The following XPO6 variants were observed in gnomAD, a reference collection of about 807,000 sequenced individuals.
The protein encoded by XPO6 is exportin-6.
XPO6 carries 3 observed loss-of-function variants against 130.0 expected under a neutral mutation model. The ratio of observed to expected loss-of-function variants is 0.02; its 90% CI spans 0.01 to 0.06. The LOEUF (loss-of-function observed/expected upper bound fraction) is 0.06. Ranked by LOEUF, XPO6 falls within the 10% of genes least tolerant of loss-of-function variation. The pLI is 1.00. For missense variants in XPO6, 970 were observed against 1,393.0 expected (o/e 0.70, Z 4.83); for synonymous variants, 524 against 548.9 (o/e 0.95, Z 0.63).
chr16:28,210,298 CTGTA>C (rs200460097), intron 1 of XPO6, among the ~76,000 whole-genome samples: 304 of 152,284 alleles, frequency 2.0e-3, no homozygotes, highest in African/African-American at 7.1e-3. Flanking sequence ...GCCTTAAGGT[CTGTA>C]TCACAAAAGA....
intron 13 of XPO6, 51 bp from the exon 14 acceptor site, chr16:28,121,813 C>G (rs1021520847): frequency 4.1e-6 from 5 of 1,212,768 alleles, no homozygotes; most frequent in African/African-American, 1.5e-5. Flanking sequence ...TGAACTAAGA[C>G]AGACAAAACA....
chr16:28,210,181 G>T (rs2044103139), intron 1 of XPO6, among the ~76,000 whole-genome samples: 2 of 152,142 alleles, frequency 1.3e-5, no homozygotes, highest in South Asian at 4.2e-4. Context: ...ATACTGTACG[G>T]TGCTGCTCAG....
chr16:28,157,242 A>C (rs1230390200), intron 6 of XPO6, among the ~76,000 whole-genome samples: 2 of 152,154 alleles, frequency 1.3e-5, no homozygotes, highest in Non-Finnish European at 2.9e-5. Context: ...GGATTACCTG[A>C]GGTCAGTAGT....
intron 1 of XPO6, among the ~76,000 whole-genome samples, chr16:28,182,270 G>A (rs544243655): frequency 6.6e-6 from 1 of 152,248 alleles, no homozygotes; most frequent in East Asian, 1.9e-4. Flanking sequence ...GCCTCCGTCG[G>A]GTGATTGACT....
chr16:28,199,654 C>T (rs2043924607), intron 1 of XPO6, among the ~76,000 whole-genome samples: 1 of 151,958 alleles, frequency 6.6e-6, no homozygotes, highest in South Asian at 2.1e-4. Context: ...ACAACCTCCA[C>T]GTCCTGGGTT....
chr16:28,120,819 A>G (rs1288100076), intron 14 of XPO6, among the ~76,000 whole-genome samples: 1 of 152,220 alleles, frequency 6.6e-6, no homozygotes, highest in East Asian at 1.9e-4. Flanking sequence ...CCGAGTGTAT[A>G]TATTTTCAGA....
At chr16:28,130,816 A>T (rs970847908) in intron 12 of XPO6, among the ~76,000 whole-genome samples, 4 of 152,242 alleles carry the variant, frequency 2.6e-5, no homozygotes, top group Admixed American at 1.3e-4. Context: ...CCAGAAATAG[A>T]GTTTCAGATT....
In XPO6 at chr16:28,176,112, C is replaced by T. The variant is rs2043530235; in HGVS notation, c.208-17G>A. 6.2e-7 allele frequency: 1 copy of T among 1,613,346 alleles called. No homozygotes were observed. Among genetic ancestry groups the T allele is most frequent in the Non-Finnish European group, 8.5e-7 (1 of 1,179,488 alleles). ...GATCAGATTCTGAAAAACAAATATACATCTTTTAAGTTAACAACCTATACA... is the reference window on the plus strand; with the variant it reads ...GATCAGATTCTGAAAAACAAATATATATCTTTTAAGTTAACAACCTATACA... On this transcript the variant is annotated splice_polypyrimidine_tract_variant and intron_variant, in intron 3 of 23. Transcript: ENST00000304658.
At chr16:28,153,984 C>A (rs941066829) in intron 7 of XPO6, 38 of 985,078 alleles carry the variant, frequency 3.9e-5, no homozygotes, top group Non-Finnish European at 4.5e-5. Context: ...TTAAAAAATA[C>A]ATATTAATTT....
In XPO6 at chr16:28,101,787, G is replaced by A; in HGVS notation, c.3045+60C>T. Reference sequence around the variant, plus strand: ...ACACTCTCCAGTGAGTAACCTGAGGGTGGGACACAGGCCACAATGCCCCTG... The same window carrying A: ...ACACTCTCCAGTGAGTAACCTGAGGATGGGACACAGGCCACAATGCCCCTG... On this transcript the variant is annotated intron_variant, in intron 22 of 23. Coordinates refer to ENST00000304658, the MANE Select transcript of XPO6 (RefSeq NM_015171.4). This position sits in a 1 kb window ranked among gnomAD's most constrained non-coding sequence, Gnocchi z 5.4. 4 of 1,595,870 alleles carry A rather than the reference G, an allele frequency of 2.5e-6. No homozygotes were observed. The highest frequency in any genetic ancestry group is 2.6e-6 in the Non-Finnish European group (3 of 1,166,604).
At chr16:28,158,190 T>C (rs909592482) in intron 6 of XPO6, among the ~76,000 whole-genome samples, 17 of 152,190 alleles carry the variant, frequency 1.1e-4, no homozygotes, top group Non-Finnish European at 1.9e-4. Flanking sequence ...AAGAACATGT[T>C]ACCAAACAGA....
intron 21 of XPO6, among the ~76,000 whole-genome samples, chr16:28,103,796 C>T (rs569145755): frequency 5.9e-5 from 9 of 152,248 alleles, no homozygotes; most frequent in Admixed American, 5.2e-4. Flanking sequence ...TGTGTGCGCG[C>T]GCATGCGCAC....
At chr16:28,188,970 T>G (rs1596956329) in intron 1 of XPO6, among the ~76,000 whole-genome samples, 2 of 152,092 alleles carry the variant, frequency 1.3e-5, no homozygotes, top group African/African-American at 2.4e-5. Context: ...CTTTTCCTTT[T>G]GTTTTCTGGA....
At position 28,174,430 on chromosome 16, in the gene XPO6, GT is replaced by G. The variant is rs2043503172; in HGVS notation, c.405+1467del. Among the ~76,000 whole-genome samples the G allele has an allele frequency of 2.0e-5, 3 of 152,148 alleles. No individual in the cohort carries two copies. In the South Asian group the frequency reaches 6.2e-4, roughly 32 times the overall value. ...ACCTCCAAGTGTGTACCTGTTTATT[GT>G]TCGTTGATGCCCTCATCCCCGCCCT... On this transcript the variant is annotated intron_variant, in intron 4 of 23. Coordinates refer to ENST00000304658, the MANE Select transcript of XPO6 (RefSeq NM_015171.4).
intron 9 of XPO6, among the ~76,000 whole-genome samples, chr16:28,135,938 T>C (rs1254768860): frequency 6.6e-6 from 1 of 152,230 alleles, no homozygotes; most frequent in Non-Finnish European, 1.5e-5. Context: ...GCATTTTAAA[T>C]CCCTTGTCCT....
Position 28,098,406 on chromosome 16 carries a change from G to T in XPO6, c.*132C>A. 1 of 736,502 alleles carries T rather than the reference G, an allele frequency of 1.4e-6. No homozygotes were observed. Among genetic ancestry groups the T allele is most frequent in the Non-Finnish European group, 2.2e-6 (1 of 446,578 alleles). The allele number at this position is 736,502 out of a possible 1,614,324, so 45.6% of individuals were successfully genotyped here. ...GGCAAGATGTGGAGGAGCGGCAGAGGCAGGCAGCGTTGCTTGCGGTGGGAG... is the reference window on the plus strand; with the variant it reads ...GGCAAGATGTGGAGGAGCGGCAGAGTCAGGCAGCGTTGCTTGCGGTGGGAG... On this transcript the variant is annotated 3_prime_UTR_variant, in exon 24 of 24. Transcript: ENST00000304658.
At position 28,125,831 on chromosome 16, in the gene XPO6, T is replaced by C; in HGVS notation, c.1624A>G (p.Thr542Ala). 6.2e-7 allele frequency: 1 copy of C among 1,613,948 alleles called. No homozygotes were observed. The highest frequency in any genetic ancestry group is 8.5e-7 in the Non-Finnish European group (1 of 1,179,990). The change falls in exon 13 of 24, where the codon ACG (threonine) becomes GCG (alanine). Residue 542 changes from threonine (T) to alanine (A), a missense_variant. This residue lies in a region of XPO6 where 936 missense variants were observed against 1,306.8 expected (regional missense o/e 0.72). Transcript: ENST00000304658. ...AGCCGCCGGCAGTCGTTCTCCGCCG[T>C]GATGTTCAACCTGTGTCCTGGAACA... ...TSGSGHRLNI[T>A]AENDCRRLHC...
chr16:28,101,982 C>A lies in XPO6; in HGVS notation c.2947-37G>T. 1 of 1,566,572 alleles carries A rather than the reference C, an allele frequency of 6.4e-7. No homozygotes were observed. Among genetic ancestry groups the A allele is most frequent in the Non-Finnish European group, 8.8e-7 (1 of 1,139,526 alleles). ...GACCACCATTTTATAAACTGCAAGA[C>A]CAAGCACTTCTGGAGCATCTACCCC... On this transcript the variant is annotated intron_variant, in intron 21 of 23. Transcript: ENST00000304658. The surrounding 1 kb of genome is among the most constrained non-coding windows in gnomAD (Gnocchi z 5.4).
chr16:28,207,580 T>G (rs184399625), intron 1 of XPO6, among the ~76,000 whole-genome samples: 41 of 152,346 alleles, frequency 2.7e-4, no homozygotes, highest in African/African-American at 9.1e-4. Flanking sequence ...ACAGGGATAG[T>G]GTAAACAAAA....
Sources: allele counts gnomAD v4.1 joint callset (sites outside exome capture counted in the v4.1 genomes callset), GRCh38; gene constraint gnomAD v4.1.1; regional missense constraint gnomAD v4.1.1; non-coding constraint Gnocchi (gnomAD v3.1); transcripts MANE v1.5; gene names NCBI Gene and HGNC (gene_info 2026-07-23, HGNC 2026-07-21).